EIF3E: variants seen among roughly 807,000 people sequenced by gnomAD.
EIF3E encodes the protein eIF-3 p48.
In EIF3E, 25 loss-of-function variants were observed where a neutral mutation model predicts 59.3. That is an observed-to-expected ratio of 0.42 (90% CI 0.31 to 0.59). EIF3E has a LOEUF of 0.59. Among genes scored for constraint, EIF3E ranks in the 20% least tolerant of loss-of-function variants. The pLI is 0.15. For missense variants in EIF3E, 317 were observed against 534.3 expected (o/e 0.59, Z 4.01); for synonymous variants, 176 against 170.2 (o/e 1.03, Z -0.26).
At chr8:108,241,119 T>C (rs1167856771) in intron 2 of EIF3E, among the ~76,000 whole-genome samples, 2 of 152,218 alleles carry the variant, frequency 1.3e-5, no homozygotes, top group South Asian at 2.1e-4. Context: ...GTATTATATA[T>C]TAGAAAGTAT....
chr8:108,239,563 G>A (rs1014186419), intron 3 of EIF3E, among the ~76,000 whole-genome samples: 3 of 98,616 alleles, frequency 3.0e-5, no homozygotes, highest in African/African-American at 1.2e-4. Context: ...AGCGGCAGCA[G>A]TGCTTGTCCT....
Position 108,201,787 on chromosome 8 carries a change from A to G in EIF3E, c.*98T>C, listed in dbSNP as rs1035095095. The G allele has an allele frequency of 1.1e-5, 11 of 1,006,232 alleles. No individual in the cohort carries two copies. The highest frequency in any genetic ancestry group is 1.5e-5 in the Non-Finnish European group (11 of 741,488). The allele number at this position is 1,006,232 out of a possible 1,614,324, so 62.3% of individuals were successfully genotyped here. A position where few individuals can be genotyped will look rare whatever the true frequency, so the allele number is the denominator to read the frequency against. On this transcript the variant is annotated 3_prime_UTR_variant, in exon 13 of 13. Coordinates refer to ENST00000220849, the MANE Select transcript of EIF3E (RefSeq NM_001568.3). ...TCCAATTCTTCAAAATTTATACGTA[A>G]TATGTTGTTTCCAAAATGTAAGTCA... is the stretch of plus-strand genomic sequence containing the variant.
At chr8:108,220,996 T>G (rs1351371535) in intron 7 of EIF3E, among the ~76,000 whole-genome samples, 1 of 151,386 alleles carries the variant, frequency 6.6e-6, no homozygotes, top group Non-Finnish European at 1.5e-5. Context: ...ATTCCACCAC[T>G]GCACTCCAGA....
intron 10 of EIF3E, among the ~76,000 whole-genome samples, chr8:108,208,382 A>C (rs745828443): frequency 5.9e-5 from 9 of 152,166 alleles, no homozygotes; most frequent in Non-Finnish European, 8.8e-5. Flanking sequence ...TTTTCTAATT[A>C]GTTTAAGACA....
At chr8:108,207,462 C>T (rs73700821) in intron 10 of EIF3E, among the ~76,000 whole-genome samples, 1,967 of 152,118 alleles carry the variant, frequency 0.013, 51 homozygotes, top group African/African-American at 0.044. Flanking sequence ...AAAAAGTTGG[C>T]GTAACCTATC....
chr8:108,246,888 C>A (rs142505054), intron 1 of EIF3E, among the ~76,000 whole-genome samples: 63 of 152,272 alleles, frequency 4.1e-4, no homozygotes, highest in African/African-American at 1.4e-3. Context: ...AGAACACATA[C>A]AACACAGGAC....
At chr8:108,232,776 G>A (rs1259878710) in intron 5 of EIF3E, among the ~76,000 whole-genome samples, 1 of 152,130 alleles carries the variant, frequency 6.6e-6, no homozygotes, top group Admixed American at 6.5e-5. Context: ...TTCAAGGGTG[G>A]ATATGCTAGA....
chr8:108,215,922 G>A (rs979524780), intron 9 of EIF3E, among the ~76,000 whole-genome samples: 7 of 152,098 alleles, frequency 4.6e-5, no homozygotes, highest in South Asian at 2.1e-4. Context: ...TATAAAATTC[G>A]TAATTACAAT....
At chr8:108,213,794 A>AT (rs1169182538) in intron 10 of EIF3E, among the ~76,000 whole-genome samples, 1 of 152,232 alleles carries the variant, frequency 6.6e-6, no homozygotes. Context: ...TTCAATTCCC[A>AT]TAGGAAAAAT....
chr8:108,204,964 A>T (rs1014017919), intron 10 of EIF3E, among the ~76,000 whole-genome samples: 1 of 152,104 alleles, frequency 6.6e-6, no homozygotes, highest in African/African-American at 2.4e-5. Context: ...AATTAAAAAC[A>T]CACCAGTCTT....
chr8:108,214,117 C>T (rs1383917854), intron 10 of EIF3E, among the ~76,000 whole-genome samples: 2 of 152,204 alleles, frequency 1.3e-5, no homozygotes, highest in Admixed American at 6.5e-5. Flanking sequence ...CTAAAATTCA[C>T]TATAATTTTT....
intron 1 of EIF3E, among the ~76,000 whole-genome samples, chr8:108,246,845 T>C (rs1336232555): frequency 6.6e-6 from 1 of 152,236 alleles, no homozygotes; most frequent in Admixed American, 6.5e-5. Flanking sequence ...CATTTTATTT[T>C]CTCTAGCTTA....
chr8:108,217,757 A>G (rs1178313675), intron 7 of EIF3E, among the ~76,000 whole-genome samples: 3 of 152,172 alleles, frequency 2.0e-5, no homozygotes, highest in Non-Finnish European at 4.4e-5. Flanking sequence ...GTTCATTGAC[A>G]TGCTGTCAGT....
intron 7 of EIF3E, among the ~76,000 whole-genome samples, chr8:108,218,718 A>G (rs1815348296): frequency 6.6e-6 from 1 of 152,096 alleles, no homozygotes; most frequent in Non-Finnish European, 1.5e-5. Context: ...CAAACACAGG[A>G]AAGCATGATT....
intron 7 of EIF3E, among the ~76,000 whole-genome samples, chr8:108,219,060 C>CAGT (rs548178141): frequency 1.3e-4 from 20 of 152,210 alleles, no homozygotes; most frequent in Middle Eastern, 6.8e-3. Flanking sequence ...GCTGGGATTA[C>CAGT]AGGCATGAGC....
chr8:108,210,752 C>A (rs1364911867), intron 10 of EIF3E, among the ~76,000 whole-genome samples: 2 of 152,046 alleles, frequency 1.3e-5, no homozygotes, highest in Non-Finnish European at 2.9e-5. Flanking sequence ...CCCACTCCCC[C>A]CACCCCACGA....
chr8:108,223,377 G>C (rs117383837), intron 7 of EIF3E, among the ~76,000 whole-genome samples: 8 of 152,296 alleles, frequency 5.3e-5, no homozygotes, highest in Non-Finnish European at 8.8e-5. Context: ...GTCATCCTGA[G>C]TGAGCTAAAG....
chr8:108,237,191 T>TAA (rs1815749456), intron 3 of EIF3E, among the ~76,000 whole-genome samples: 1 of 152,206 alleles, frequency 6.6e-6, no homozygotes, highest in Non-Finnish European at 1.5e-5. Flanking sequence ...AAACTAATAA[T>TAA]AAAGAAAGAC....
At chr8:108,217,783 A>G (rs1379424584) in intron 7 of EIF3E, among the ~76,000 whole-genome samples, 1 of 152,212 alleles carries the variant, frequency 6.6e-6, no homozygotes, top group Admixed American at 6.5e-5. Context: ...CCAAAAGGCT[A>G]CTAAGCGATG....
Sources: gnomAD v4.1 joint callset for allele counts (sites outside exome capture counted in the v4.1 genomes callset) on GRCh38, gnomAD v4.1.1 for gene constraint, MANE v1.5 for transcripts, NCBI Gene and HGNC (gene_info 2026-07-23, HGNC 2026-07-21) for gene names.